AUH: variants seen among roughly 807,000 people sequenced by gnomAD.
AUH encodes AU RNA binding methylglutaconyl-CoA hydratase, also known as methylglutaconyl-CoA hydratase, mitochondrial.
Under a neutral mutation model 42.3 loss-of-function variants are expected in AUH, and 29 were observed. The ratio of observed to expected loss-of-function variants is 0.69; its 90% CI spans 0.51 to 0.93. The LOEUF is 0.93. AUH is among the 40% of genes least tolerant of loss of function. The pLI, the probability that AUH is intolerant of heterozygous loss-of-function variation, is 0.00. For synonymous variants in AUH, 174 were observed against 166.4 expected (o/e 1.05, Z -0.35); for missense variants, 452 against 438.1 (o/e 1.03, Z -0.28).
chr9:91,280,639 T>A (rs1825888912), intron 6 of AUH, among the ~76,000 whole-genome samples: 1 of 152,192 alleles, frequency 6.6e-6, no homozygotes, highest in Admixed American at 6.5e-5. Flanking sequence ...AATTCTCCAA[T>A]CTTTTCTGTA....
intron 6 of AUH, among the ~76,000 whole-genome samples, chr9:91,231,973 A>T (rs1433710825): frequency 2.0e-5 from 3 of 151,928 alleles, no homozygotes; most frequent in Non-Finnish European, 4.4e-5. Context: ...CACAGTTAAT[A>T]ATAGTATGTA....
chr9:91,233,490 T>C (rs1701785441), intron 6 of AUH, among the ~76,000 whole-genome samples: 1 of 152,006 alleles, frequency 6.6e-6, no homozygotes, highest in Admixed American at 6.6e-5. Flanking sequence ...TGAGAAACAG[T>C]GGTATGGGAC....
At chr9:91,274,460 GTTC>G (rs1180472914) in intron 6 of AUH, among the ~76,000 whole-genome samples, 7 of 152,112 alleles carry the variant, frequency 4.6e-5, no homozygotes, top group African/African-American at 1.7e-4. Context: ...CTAAGGATGT[GTTC>G]TTAATATACT....
intron 4 of AUH, among the ~76,000 whole-genome samples, chr9:91,311,183 C>T (rs1828674381): frequency 6.6e-6 from 1 of 152,050 alleles, no homozygotes; most frequent in African/African-American, 2.4e-5. Flanking sequence ...GATTTTCAAT[C>T]ACATGAAGAA....
At chr9:91,349,703 C>G (rs1052833991) in intron 3 of AUH, among the ~76,000 whole-genome samples, 85 of 135,468 alleles carry the variant, frequency 6.3e-4, no homozygotes, top group Middle Eastern at 3.9e-3. Context: ...CACACACACA[C>G]AGAGAGAAGA....
intron 3 of AUH, among the ~76,000 whole-genome samples, chr9:91,334,212 T>A (rs1212034151): frequency 6.6e-6 from 1 of 152,210 alleles, no homozygotes; most frequent in African/African-American, 2.4e-5. Context: ...TCATACTTGC[T>A]GTGATGACTC....
chr9:91,354,649 A>G (rs1378077638), intron 3 of AUH, among the ~76,000 whole-genome samples: 1 of 152,214 alleles, frequency 6.6e-6, no homozygotes, highest in Non-Finnish European at 1.5e-5. Context: ...CAACAGAAAA[A>G]CAATGCCGGG....
Position 91,315,065 on chromosome 9 carries a change from A to G in AUH, c.505+10253T>C, listed in dbSNP as rs559135549. On this transcript the variant is annotated intron_variant, in intron 4 of 9. Coordinates refer to ENST00000375731, the MANE Select transcript of AUH (RefSeq NM_001698.3). The stretch of plus-strand genomic sequence containing the variant: ...CAGCCTCCCTAATAGCTGGCACTAC[A>G]GGCTAGGATTACAGGCGTGCGCCAC... 2.6e-5 allele frequency among the ~76,000 whole-genome samples: 4 copies of G among 152,262 alleles called. No individual in the cohort carries two copies. In the South Asian group the frequency reaches 8.3e-4, roughly 32 times the overall value.
chr9:91,332,476 T>C (rs1454623209), intron 3 of AUH, among the ~76,000 whole-genome samples: 2 of 152,194 alleles, frequency 1.3e-5, no homozygotes, highest in Non-Finnish European at 2.9e-5. Context: ...CACTCCAGCC[T>C]GGGCAACAGA....
At chr9:91,268,674 C>T (rs972098488) in intron 6 of AUH, among the ~76,000 whole-genome samples, 4 of 152,144 alleles carry the variant, frequency 2.6e-5, no homozygotes, top group African/African-American at 9.7e-5. Flanking sequence ...AGGCAATCTA[C>T]CTCCCTCAGC....
chr9:91,259,938 A>G (rs1426451477), intron 6 of AUH, among the ~76,000 whole-genome samples: 1 of 152,152 alleles, frequency 6.6e-6, no homozygotes, highest in South Asian at 2.1e-4. Flanking sequence ...TAATACACCT[A>G]AAGTTTTCTA....
intron 3 of AUH, among the ~76,000 whole-genome samples, chr9:91,355,491 G>A (rs1323064719): frequency 6.6e-6 from 1 of 151,924 alleles, no homozygotes; most frequent in Non-Finnish European, 1.5e-5. Context: ...GGGGAGACGA[G>A]GGTTGCAGTA....
chr9:91,357,504 G>A (rs776139165), intron 1 of AUH: 12 of 964,766 alleles, frequency 1.2e-5, no homozygotes, highest in African/African-American at 7.0e-5. Flanking sequence ...AGCAGCCATG[G>A]AACTAGAGTC....
intron 4 of AUH, 33 bp from the exon 5 acceptor site, chr9:91,298,109 A>G (rs1485415515): frequency 2.0e-6 from 3 of 1,502,750 alleles, no homozygotes; most frequent in Non-Finnish European, 1.9e-6. Flanking sequence ...TGCTTCCTTA[A>G]TAAGATTATT....
At chr9:91,248,871 A>G (rs1339252717) in intron 6 of AUH, among the ~76,000 whole-genome samples, 1 of 152,216 alleles carries the variant, frequency 6.6e-6, no homozygotes, top group African/African-American at 2.4e-5. Flanking sequence ...GCGAGGACTT[A>G]CTGTTATTAT....
rs75505223 is a variant in AUH, at chr9:91,214,241, T to C, written c.*107A>G. On this transcript the variant is annotated 3_prime_UTR_variant, in exon 10 of 10. Transcript: ENST00000375731. ...ATTACACCGTATGAATAATCTGCTC[T>C]TCACTTTGGTCATTAAGGTTCCATG... 4.5e-3 allele frequency: 4,161 copies of C among 931,596 alleles called. 97 individuals carry two copies. In the African/African-American group the frequency reaches 0.059, roughly 13 times the overall value. 57.7% of individuals were successfully genotyped at this position (931,596 alleles called of 1,614,324 possible).
chr9:91,325,947 A>G (rs1829941509), intron 3 of AUH, among the ~76,000 whole-genome samples: 1 of 152,160 alleles, frequency 6.6e-6, no homozygotes, highest in South Asian at 2.1e-4. Context: ...GGGACTGTCA[A>G]CCACAAGGGA....
intron 6 of AUH, among the ~76,000 whole-genome samples, chr9:91,284,230 T>C (rs996234781): frequency 1.1e-4 from 17 of 152,144 alleles, no homozygotes; most frequent in Non-Finnish European, 2.1e-4. Flanking sequence ...CCCTATTTAA[T>C]AAATGGTGCT....
chr9:91,305,329 T>C (rs1013444243), intron 4 of AUH, among the ~76,000 whole-genome samples: 21 of 152,196 alleles, frequency 1.4e-4, no homozygotes, highest in African/African-American at 5.1e-4. Flanking sequence ...AGCCAGAACA[T>C]CACAGACATA....
Sources: allele counts gnomAD v4.1 joint callset (sites outside exome capture counted in the v4.1 genomes callset), GRCh38; gene constraint gnomAD v4.1.1; transcripts MANE v1.5; gene names NCBI Gene and HGNC (gene_info 2026-07-23, HGNC 2026-07-21).